Variants in IL1RAPL2 observed in about 807,000 individuals in gnomAD.
IL1RAPL2 encodes interleukin 1 receptor accessory protein like 2.
IL1RAPL2 carries 3 observed loss-of-function variants against 44.1 expected under a neutral mutation model. The ratio of observed to expected loss-of-function variants is 0.07; its 90% CI spans 0.03 to 0.18. The LOEUF (loss-of-function observed/expected upper bound fraction) is 0.18, where lower values mean the gene tolerates loss of function less well. Among genes scored for constraint, IL1RAPL2 ranks in the 10% least tolerant of loss-of-function variants. IL1RAPL2 has a pLI of 1.00. For synonymous variants in IL1RAPL2, 181 were observed against 178.8 expected (o/e 1.01, Z -0.10); for missense variants, 391 against 496.4 (o/e 0.79, Z 2.02).
intron 2 of IL1RAPL2, among the ~76,000 whole-genome samples, chrX:104,667,807 A>T (rs902414638): frequency 8.9e-6 from 1 of 111,846 alleles, no homozygotes; most frequent in Non-Finnish European, 1.9e-5. Flanking sequence ...TTTCCACAAC[A>T]CCATGGATAT....
At chrX:105,505,280 T>C (rs2036423578) in intron 6 of IL1RAPL2, among the ~76,000 whole-genome samples, 1 of 111,957 alleles carries the variant, frequency 8.9e-6, no homozygotes, top group South Asian at 3.7e-4. Context: ...ACACTGAAAT[T>C]TAAGACAGAC....
chrX:105,340,452 A>G (rs925244787), intron 5 of IL1RAPL2, among the ~76,000 whole-genome samples: 1 of 112,099 alleles, frequency 8.9e-6, no homozygotes, highest in Admixed American at 9.5e-5. Flanking sequence ...CTGAGAATAA[A>G]AGCTTAGGCT....
At chrX:104,885,473 T>G (rs1289689169) in intron 2 of IL1RAPL2, among the ~76,000 whole-genome samples, 2 of 111,644 alleles carry the variant, frequency 1.8e-5, no homozygotes, top group Non-Finnish European at 3.8e-5. Context: ...GAAAATATAC[T>G]CCCCTGTCAC....
At chrX:105,551,949 C>CA (rs780534082) in intron 6 of IL1RAPL2, among the ~76,000 whole-genome samples, 2 of 110,099 alleles carry the variant, frequency 1.8e-5, no homozygotes, top group Non-Finnish European at 3.8e-5. Flanking sequence ...ACTAAAAATA[C>CA]AAAAAAATTA....
At chrX:105,750,720 A>G (rs1024868511) in intron 9 of IL1RAPL2, among the ~76,000 whole-genome samples, 1 of 110,029 alleles carries the variant, frequency 9.1e-6, no homozygotes, top group African/African-American at 3.3e-5. Flanking sequence ...TTATTCAGAC[A>G]TATCTTAGAA....
intron 1 of IL1RAPL2, among the ~76,000 whole-genome samples, chrX:104,585,230 GTATA>G (rs1320021293): frequency 7.3e-5 from 3 of 41,136 alleles, no homozygotes; most frequent in Non-Finnish European, 1.1e-4. Flanking sequence ...GTATATATGT[GTATA>G]TATATAATAT....
chrX:104,639,712 A>C (rs931305950), intron 1 of IL1RAPL2, among the ~76,000 whole-genome samples: 1 of 111,000 alleles, frequency 9.0e-6, no homozygotes, highest in Non-Finnish European at 1.9e-5. Flanking sequence ...TAATGAATTT[A>C]CCCAGAATTT....
At chrX:104,826,497 T>C (rs1921453744) in intron 2 of IL1RAPL2, among the ~76,000 whole-genome samples, 1 of 111,821 alleles carries the variant, frequency 8.9e-6, no homozygotes, top group African/African-American at 3.3e-5. Context: ...ATGATTTCCA[T>C]TCTTTTGCAT....
In IL1RAPL2 at chrX:105,009,075, C is replaced by T. The variant is rs774260260; in HGVS notation, c.83-186400C>T. On this transcript the variant is annotated intron_variant, in intron 2 of 10. Coordinates refer to ENST00000372582, the MANE Select transcript of IL1RAPL2 (RefSeq NM_017416.2). ...TACCATCTCACACCAGTTAGAATGG[C>T]GAGTATTAAAAAGTCAGGAAACAAC... Among the ~76,000 whole-genome samples, 41 of 111,297 alleles carry T rather than the reference C, an allele frequency of 3.7e-4. 1 individual carries two copies. In the South Asian group the frequency reaches 0.013, roughly 34 times the overall value.
chrX:104,740,435 C>T (rs1932083505), intron 2 of IL1RAPL2, among the ~76,000 whole-genome samples: 1 of 110,953 alleles, frequency 9.0e-6, no homozygotes, highest in Non-Finnish European at 1.9e-5. Flanking sequence ...GTCCATTTTA[C>T]ATTATTTTTA....
chrX:105,646,545 T>G (rs2037607286), intron 6 of IL1RAPL2, among the ~76,000 whole-genome samples: 1 of 111,849 alleles, frequency 8.9e-6, no homozygotes, highest in South Asian at 3.8e-4. Flanking sequence ...CATCAATCAC[T>G]GAATACCTAT....
intron 6 of IL1RAPL2, among the ~76,000 whole-genome samples, chrX:105,627,356 G>T (rs910625113): frequency 1.8e-5 from 2 of 111,521 alleles, no homozygotes; most frequent in African/African-American, 6.5e-5. Flanking sequence ...AAAATACAGA[G>T]AAGTTAAGTG....
chrX:104,606,219 C>T (rs1929006641), intron 1 of IL1RAPL2, among the ~76,000 whole-genome samples: 1 of 111,695 alleles, frequency 9.0e-6, no homozygotes, highest in African/African-American at 3.3e-5. Flanking sequence ...ATGACAAAAC[C>T]ACATGATTAT....
intron 2 of IL1RAPL2, among the ~76,000 whole-genome samples, chrX:104,978,005 T>A (rs892621082): frequency 3.6e-5 from 4 of 111,081 alleles, no homozygotes; most frequent in Non-Finnish European, 5.7e-5. Flanking sequence ...TATGGAGAGA[T>A]CCTTTCACTT....
At chrX:104,645,671 G>GT (rs888927142) in intron 1 of IL1RAPL2, among the ~76,000 whole-genome samples, 1 of 111,401 alleles carries the variant, frequency 9.0e-6, no homozygotes, top group African/African-American at 3.2e-5. Flanking sequence ...GTTGTCTGTG[G>GT]TTTTTTCTTT....
chrX:104,790,389 G>A (rs1284459399), intron 2 of IL1RAPL2, among the ~76,000 whole-genome samples: 3 of 110,778 alleles, frequency 2.7e-5, no homozygotes, highest in South Asian at 3.9e-4. Flanking sequence ...TGTTCTTCAC[G>A]CCCTCACCCT....
intron 2 of IL1RAPL2, among the ~76,000 whole-genome samples, chrX:104,923,590 A>G (rs1194375720): frequency 8.9e-6 from 1 of 111,821 alleles, no homozygotes; most frequent in Non-Finnish European, 1.9e-5. Context: ...AGTATTTTCC[A>G]GACAAGCAAA....
chrX:105,564,070 T>G (rs1232146794), intron 6 of IL1RAPL2, among the ~76,000 whole-genome samples: 2 of 111,526 alleles, frequency 1.8e-5, no homozygotes, highest in African/African-American at 6.5e-5. Flanking sequence ...TGTTCTCTGC[T>G]TCATAGATGG....
intron 2 of IL1RAPL2, among the ~76,000 whole-genome samples, chrX:104,909,172 C>T (rs1232786076): frequency 2.7e-5 from 3 of 111,976 alleles, no homozygotes; most frequent in South Asian, 3.7e-4. Flanking sequence ...TCGTAGTTCT[C>T]GAGCCTTGGT....
Sources: gnomAD v4.1 joint callset for allele counts (sites outside exome capture counted in the v4.1 genomes callset) on GRCh38, gnomAD v4.1.1 for gene constraint, MANE v1.5 for transcripts, NCBI Gene and HGNC (gene_info 2026-07-23, HGNC 2026-07-21) for gene names.